OVCH1: variants seen among roughly 807,000 people sequenced by gnomAD.
OVCH1 encodes the protein ovochymase-1.
Under a neutral mutation model 138.4 loss-of-function variants are expected in OVCH1, and 139 were observed. The observed-to-expected ratio is 1.00, with a 90% confidence interval of 0.87 to 1.16. The LOEUF is 1.16. Among genes scored for constraint, OVCH1 ranks in the 50% most tolerant of loss-of-function variants. The pLI, the probability that OVCH1 is intolerant of heterozygous loss-of-function variation, is 0.00. For missense variants in OVCH1, 1,367 were observed against 1,357.9 expected, an observed-to-expected ratio of 1.01 and a Z score of -0.11; for synonymous variants, 453 against 467.8, an observed-to-expected ratio of 0.97 and a Z score of 0.41.
In OVCH1 at chr12:29,454,994, G is replaced by A. The variant is rs577658934; in HGVS notation, c.2438-61C>T. ...AAAGCCTGAGAACAAAATATAGTGG[G>A]CACTAAAGCAGCCACTATCAAAAGA... On this transcript the variant is annotated intron_variant, in intron 20 of 27. Coordinates refer to ENST00000318184, the Ensembl canonical transcript of OVCH1. 28 of 1,377,272 alleles carry A rather than the reference G, an allele frequency of 2.0e-5. 1 individual carries two copies. The highest frequency in any genetic ancestry group is 2.7e-5 in the Non-Finnish European group (27 of 991,818). The allele number at this position is 1,377,272 out of a possible 1,614,324, so 85.3% of individuals were successfully genotyped here. A position where few individuals can be genotyped will look rare whatever the true frequency, so the allele number is the denominator to read the frequency against.
Position 29,451,428 on chromosome 12 carries a change from TACTC to T in OVCH1, c.2668_2671del (p.Glu890IlefsTer15), listed in dbSNP as rs760733579. On this transcript the variant is annotated frameshift_variant, in exon 22 of 28. Coordinates refer to ENST00000318184, the Ensembl canonical transcript of OVCH1. LOFTEE classifies it high-confidence loss of function. ...CACAGGAGACCCCAGGAGTGACAGATACTCAATGGTAAATTTTGCCATACTGCTT... is the reference window on the plus strand; with the variant it reads ...CACAGGAGACCCCAGGAGTGACAGATAATGGTAAATTTTGCCATACTGCTT... 6.2e-7 allele frequency: 1 copy of T among 1,613,336 alleles called. No individual in the cohort carries two copies. Among genetic ancestry groups the T allele is most frequent in the South Asian group, 1.1e-5 (1 of 91,074 alleles).
chr12:29,477,453 A>G lies in OVCH1; in HGVS notation c.1134T>C (p.Pro378=), dbSNP rs16934306. ...CACTGGTCTCTGCCAGCAATGGTGAAGGCAATATTTTTCCACAGACCTTAC... is the reference window on the plus strand; with the variant it reads ...CACTGGTCTCTGCCAGCAATGGTGAGGGCAATATTTTTCCACAGACCTTAC... Residue 378 remains proline, a synonymous_variant, in exon 11 of 28, where the codon CCT becomes CCC. Coordinates refer to ENST00000318184, the Ensembl canonical transcript of OVCH1. 0.022 allele frequency: 36,300 copies of G among 1,613,880 alleles called. 4,953 individuals carry two copies. In the African/African-American group the frequency reaches 0.35, roughly 15 times the overall value.
chr12:29,489,780 A>C lies in OVCH1; in HGVS notation c.551-9T>G. On this transcript the variant is annotated splice_polypyrimidine_tract_variant and intron_variant, in intron 5 of 27. Coordinates refer to ENST00000318184, the Ensembl canonical transcript of OVCH1. ...ATTTGAATATTCTGATGCTGTAGAG[A>C]GAGGACAGATAAGTTAGCACACAAT... 1 of 1,607,220 alleles carries C rather than the reference A, an allele frequency of 6.2e-7. No homozygotes were observed. The highest frequency in any genetic ancestry group is 8.5e-7 in the Non-Finnish European group (1 of 1,176,640).
chr12:29,433,892 C>T, intron 26 of OVCH1: 1 of 1,221,818 alleles, frequency 8.2e-7, no homozygotes, highest in Non-Finnish European at 1.1e-6. Flanking sequence ...AAAAAAGAAA[C>T]AAAAGGTAAA....
intron 21 of OVCH1, among the ~76,000 whole-genome samples, chr12:29,453,684 C>G (rs1016575849): frequency 1.3e-5 from 2 of 152,134 alleles, no homozygotes; most frequent in African/African-American, 4.8e-5. Flanking sequence ...ATCCTAAATT[C>G]CAATGATCCA....
chr12:29,455,286 C>A (rs1205726595), exon 20 of OVCH1: 21 of 1,613,860 alleles, frequency 1.3e-5, no homozygotes, highest in Non-Finnish European at 1.8e-5. Context: ...AGAAGATCAT[C>A]ACTCTGGCAA....
chr12:29,464,464 A>G, intron 18 of OVCH1, 43 bp downstream of exon 18: 1 of 1,590,978 alleles, frequency 6.3e-7, no homozygotes, highest in Non-Finnish European at 8.6e-7. Flanking sequence ...ATTTTCAAAA[A>G]TAACAACTGG....
chr12:29,460,294 A>G (rs1420957147), intron 19 of OVCH1, among the ~76,000 whole-genome samples: 2 of 152,214 alleles, frequency 1.3e-5, no homozygotes, highest in Non-Finnish European at 2.9e-5. Context: ...AAAAGACAAC[A>G]TAATTAGTTG....
intron 17 of OVCH1, 57 bp from the exon 18 acceptor site, chr12:29,464,759 C>A: frequency 6.8e-7 from 1 of 1,472,172 alleles, no homozygotes; most frequent in Admixed American, 1.9e-5. Flanking sequence ...AATCCAGCAA[C>A]TTCCTTGTTG....
chr12:29,427,603 C>T, exon 28 of OVCH1: 1 of 1,551,372 alleles, frequency 6.4e-7, no homozygotes, highest in South Asian at 1.2e-5. Context: ...TTAGCAGGCA[C>T]CAAATCTGCT....
the OVCH1 span, among the ~76,000 whole-genome samples, chr12:29,404,745 G>A: frequency 4.6e-5 from 7 of 152,132 alleles, no homozygotes; most frequent in African/African-American, 7.2e-5. Flanking sequence ...ATGATCAGCC[G>A]GGCGCGGTGG....
intron 21 of OVCH1, 122 bp downstream of exon 21, chr12:29,454,719 C>A: frequency 1.2e-6 from 1 of 813,638 alleles, no homozygotes; most frequent in South Asian, 2.2e-5. Flanking sequence ...CTAAAACTAC[C>A]AACCAGAAGG....
chr12:29,488,620 C>CAAAAAAAAAAAAAAAAAAAAAA (rs67595567), intron 6 of OVCH1, among the ~76,000 whole-genome samples: 16 of 61,732 alleles, frequency 2.6e-4, no homozygotes, highest in East Asian at 5.4e-4. Context: ...GACTCCATCT[C>CAAAAAAAAAAAAAAAAAAAAAA]AAAAAAAAAA....
chr12:29,445,766 A>G lies in OVCH1; in HGVS notation c.2756-363T>C, dbSNP rs1456047618. ...ACCTCACCATGAAGATCTATGATGG[A>G]AAACATTTCCTACCTGAAAATTTAT... On this transcript the variant is annotated intron_variant, in intron 22 of 27. Coordinates refer to ENST00000318184, the Ensembl canonical transcript of OVCH1. Among the ~76,000 whole-genome samples the G allele has an allele frequency of 1.6e-4, 24 of 152,098 alleles. 1 individual carries two copies. Among genetic ancestry groups the G allele is most frequent in the Admixed American group, 1.6e-3 (24 of 15,238 alleles).
At chr12:29,418,641 A>G (rs1222021675) in intron 3 of OVCH1, among the ~76,000 whole-genome samples, 1 of 152,216 alleles carries the variant, frequency 6.6e-6, no homozygotes, top group East Asian at 1.9e-4. Context: ...AACAGTATAG[A>G]TCATCATGAG....
intron 3 of OVCH1, among the ~76,000 whole-genome samples, chr12:29,415,589 A>G (rs908823841): frequency 6.6e-6 from 1 of 152,232 alleles, no homozygotes; most frequent in Admixed American, 6.5e-5. Flanking sequence ...ACTTAGGTAT[A>G]CACTTAGCAA....
Position 29,455,258 on chromosome 12 carries a change from T to C in OVCH1, c.2428A>G (p.Lys810Glu). Residue 810 changes from lysine (K) to glutamate (E), a missense_variant, in exon 20 of 28, where the codon AAA (lysine) becomes GAA (glutamate). Coordinates refer to ENST00000318184, the Ensembl canonical transcript of OVCH1. ...TTTGAAAACAATTTACCATTGATTT[T>C]TGATTGGATCCAGTCCAAGAAGATC... 1 of 1,610,718 alleles carries C rather than the reference T, an allele frequency of 6.2e-7. No homozygotes were observed. Among genetic ancestry groups the C allele is most frequent in the South Asian group, 1.1e-5 (1 of 90,308 alleles).
At chr12:29,410,594 T>A (rs371634992), downstream of OVCH1, among the ~76,000 whole-genome samples, 17,110 of 40,628 alleles carry the variant, frequency 0.42, 2,228 homozygotes, top group Middle Eastern at 0.59. Flanking sequence ...GATATGAAAT[T>A]TCTGGGTTGA....
intron 8 of OVCH1, among the ~76,000 whole-genome samples, chr12:29,482,475 T>C (rs924287751): frequency 1.3e-5 from 2 of 152,204 alleles, no homozygotes; most frequent in Non-Finnish European, 2.9e-5. Context: ...TACTATTATA[T>C]GTAATCTTTA....
Sources: gnomAD v4.1 joint callset for allele counts (sites outside exome capture counted in the v4.1 genomes callset) on GRCh38, gnomAD v4.1.1 for gene constraint, MANE v1.5 for transcripts, NCBI Gene and HGNC (gene_info 2026-07-23, HGNC 2026-07-21) for gene names.